The following FER variants were observed in gnomAD, a reference collection of about 807,000 sequenced individuals.
The protein encoded by FER is FER tyrosine kinase.
A neutral mutation model predicts 111.0 loss-of-function variants in FER; 63 were observed. That is an observed-to-expected ratio of 0.57 (90% CI 0.46 to 0.70). The LOEUF (loss-of-function observed/expected upper bound fraction) is 0.70. Among genes scored for constraint, FER ranks in the 30% least tolerant of loss-of-function variants. The pLI is 0.00. For missense variants in FER, 914 were observed against 954.0 expected, an observed-to-expected ratio of 0.96 and a Z score of 0.55; for synonymous variants, 327 against 313.9, an observed-to-expected ratio of 1.04 and a Z score of -0.44.
At chr5:108,850,193 C>CAA (rs57756039) in intron 5 of FER, among the ~76,000 whole-genome samples, 1 of 126,742 alleles carries the variant, frequency 7.9e-6, no homozygotes, top group Admixed American at 8.1e-5. Flanking sequence ...GACTCCGTCT[C>CAA]AAAAAAAAAA....
chr5:108,987,406 C>T (rs554863486), intron 13 of FER, among the ~76,000 whole-genome samples: 108 of 152,024 alleles, frequency 7.1e-4, no homozygotes, highest in African/African-American at 2.5e-3. Context: ...AGATCACGCC[C>T]TTGTACTCCA....
At chr5:108,865,525 T>C (rs192777084) in intron 5 of FER, among the ~76,000 whole-genome samples, 223 of 152,026 alleles carry the variant, frequency 1.5e-3, no homozygotes, top group African/African-American at 5.1e-3. Context: ...TAGGCATGGG[T>C]AAGGACTTCA....
intron 18 of FER, among the ~76,000 whole-genome samples, chr5:109,182,585 T>C (rs1369778492): frequency 6.6e-6 from 1 of 152,174 alleles, no homozygotes; most frequent in Non-Finnish European, 1.5e-5. Context: ...TTTCAAGCAC[T>C]AAGGAAGCTG....
At chr5:108,795,533 T>G (rs1755921615) in intron 2 of FER, among the ~76,000 whole-genome samples, 3 of 151,962 alleles carry the variant, frequency 2.0e-5, no homozygotes, top group Admixed American at 6.5e-5. Flanking sequence ...TAGGCATGGT[T>G]TATTCTCTTT....
intron 17 of FER, among the ~76,000 whole-genome samples, chr5:109,128,578 C>T (rs1752007466): frequency 6.6e-6 from 1 of 152,124 alleles, no homozygotes; most frequent in South Asian, 2.1e-4. Flanking sequence ...GCATGCACTT[C>T]TCATCATGTG....
At chr5:109,090,959 G>A (rs1217832410) in intron 16 of FER, among the ~76,000 whole-genome samples, 1 of 152,138 alleles carries the variant, frequency 6.6e-6, no homozygotes, top group East Asian at 1.9e-4. Flanking sequence ...ATGCTTCTAG[G>A]AAAATGTGAG....
chr5:108,820,117 A>G (rs1758694627), intron 3 of FER: 1 of 985,138 alleles, frequency 1.0e-6, no homozygotes, highest in Non-Finnish European at 1.2e-6. Flanking sequence ...AATCCTAACT[A>G]TAGTTCATTC....
intron 17 of FER, among the ~76,000 whole-genome samples, chr5:109,125,896 A>G (rs931442888): frequency 1.3e-5 from 2 of 152,056 alleles, no homozygotes; most frequent in Non-Finnish European, 2.9e-5. Flanking sequence ...CTGTTTCGGG[A>G]CTCTTTGTTC....
intron 13 of FER, among the ~76,000 whole-genome samples, chr5:108,961,119 A>G (rs1759091855): frequency 1.3e-5 from 2 of 152,188 alleles, no homozygotes; most frequent in African/African-American, 4.8e-5. Context: ...TTAATTATTC[A>G]TGTGGAAGTA....
intron 13 of FER, among the ~76,000 whole-genome samples, chr5:109,012,039 AG>A (rs141147990): frequency 2.0e-3 from 306 of 152,252 alleles, no homozygotes; most frequent in Middle Eastern, 6.8e-3. Flanking sequence ...AGCCATCTTT[AG>A]CCCTCAGTCC....
chr5:109,186,121 CACAG>C, intron 18 of FER, 75 bp from the exon 19 acceptor site: 2 of 1,578,192 alleles, frequency 1.3e-6, no homozygotes, highest in Admixed American at 3.3e-5. Context: ...GCATGACTGA[CACAG>C]ACATACATAA....
chr5:108,772,745 C>G (rs115721854), intron 2 of FER, among the ~76,000 whole-genome samples: 269 of 152,284 alleles, frequency 1.8e-3, no homozygotes, highest in African/African-American at 6.3e-3. Flanking sequence ...GATCTGCTGG[C>G]ACTAGTCAGC....
intron 16 of FER, among the ~76,000 whole-genome samples, chr5:109,061,444 C>A (rs1444931199): frequency 6.6e-6 from 1 of 152,080 alleles, no homozygotes; most frequent in African/African-American, 2.4e-5. Flanking sequence ...TACAAAGAAA[C>A]TATTAAATAA....
intron 14 of FER, 123 bp from the exon 15 acceptor site, chr5:109,044,557 T>G: frequency 1.9e-6 from 1 of 539,022 alleles, no homozygotes; most frequent in Non-Finnish European, 3.4e-6. Flanking sequence ...TAGAAATTAG[T>G]TCATCACTGG....
intron 17 of FER, among the ~76,000 whole-genome samples, chr5:109,144,613 C>A (rs533534084): frequency 2.0e-5 from 3 of 152,086 alleles, no homozygotes; most frequent in African/African-American, 7.2e-5. Flanking sequence ...TTGGGGTTTT[C>A]TTTGGTTTGG....
intron 17 of FER, among the ~76,000 whole-genome samples, chr5:109,110,439 T>C (rs1376477545): frequency 6.6e-6 from 1 of 151,992 alleles, no homozygotes; most frequent in Non-Finnish European, 1.5e-5. Context: ...AACTGCAAGA[T>C]AGAACAGAGA....
chr5:109,121,817 A>T (rs1049601514), intron 17 of FER, among the ~76,000 whole-genome samples: 4 of 151,986 alleles, frequency 2.6e-5, no homozygotes, highest in Non-Finnish European at 5.9e-5. Flanking sequence ...TCATGGTTCA[A>T]TCTTGATAGG....
chr5:109,179,829 A>AG (rs1048680775), intron 17 of FER, among the ~76,000 whole-genome samples: 2 of 152,040 alleles, frequency 1.3e-5, no homozygotes, highest in Non-Finnish European at 2.9e-5. Flanking sequence ...TTGGTATCTG[A>AG]GGGGGGGTCC....
At chr5:108,992,264 C>T (rs952272717) in intron 13 of FER, among the ~76,000 whole-genome samples, 2 of 152,240 alleles carry the variant, frequency 1.3e-5, no homozygotes, top group Non-Finnish European at 2.9e-5. Context: ...AAAAGTCTCC[C>T]ATGTCTACTT....
Sources: gnomAD v4.1 joint callset for allele counts (sites outside exome capture counted in the v4.1 genomes callset) on GRCh38, gnomAD v4.1.1 for gene constraint, MANE v1.5 for transcripts, NCBI Gene and HGNC (gene_info 2026-07-23, HGNC 2026-07-21) for gene names.